The following SDK1 variants were observed in gnomAD, a reference collection of about 807,000 sequenced individuals.
SDK1 encodes sidekick cell adhesion molecule 1.
SDK1 carries 157 observed loss-of-function variants against 245.5 expected under a neutral mutation model. The ratio of observed to expected loss-of-function variants is 0.64; its 90% CI spans 0.56 to 0.73. The LOEUF (loss-of-function observed/expected upper bound fraction) is 0.73, where lower values mean the gene tolerates loss of function less well. Among genes scored for constraint, SDK1 ranks in the 30% least tolerant of loss-of-function variants. SDK1 has a pLI of 0.00. For synonymous variants in SDK1, 1,647 were observed against 1,278.5 expected, an observed-to-expected ratio of 1.29 and a Z score of -6.15; for missense variants, 3,583 against 3,002.3, an observed-to-expected ratio of 1.19 and a Z score of -4.52.
chr7:3,971,611 C>G (rs1562595679), intron 12 of SDK1, 43 bp downstream of exon 12: 2 of 1,393,728 alleles, frequency 1.4e-6, no homozygotes, highest in Non-Finnish European at 2.0e-6. Flanking sequence ...TGTTGATATT[C>G]TGTGAGTTTC....
intron 1 of SDK1, among the ~76,000 whole-genome samples, chr7:3,334,004 C>T (rs1435901125): frequency 6.6e-6 from 1 of 152,200 alleles, no homozygotes; most frequent in Non-Finnish European, 1.5e-5. Flanking sequence ...AGTAAAGTGG[C>T]TACATCACAC....
At chr7:4,241,437 C>G (rs1172118061) in intron 42 of SDK1, among the ~76,000 whole-genome samples, 3 of 152,134 alleles carry the variant, frequency 2.0e-5, no homozygotes, top group Non-Finnish European at 2.9e-5. Flanking sequence ...GAACTCGAAA[C>G]CAGCCTGGGC....
chr7:4,140,553 A>C (rs1223828916), intron 28 of SDK1, among the ~76,000 whole-genome samples: 1 of 150,422 alleles, frequency 6.6e-6, no homozygotes, highest in Non-Finnish European at 1.5e-5. Context: ...TAATCATCAG[A>C]ATCCCATCAT....
chr7:4,032,123 A>G (rs1787868050), intron 17 of SDK1, among the ~76,000 whole-genome samples: 1 of 152,140 alleles, frequency 6.6e-6, no homozygotes, highest in Non-Finnish European at 1.5e-5. Context: ...AATGCAGACA[A>G]ATGCACCAGA....
At chr7:3,506,616 C>T (rs935245004) in intron 1 of SDK1, among the ~76,000 whole-genome samples, 2 of 152,064 alleles carry the variant, frequency 1.3e-5, no homozygotes, top group Non-Finnish European at 2.9e-5. Context: ...TCCCTTTTTA[C>T]TGAGAGTGTT....
chr7:3,612,916 C>A (rs372944050), intron 1 of SDK1, among the ~76,000 whole-genome samples: 1 of 152,002 alleles, frequency 6.6e-6, no homozygotes, highest in Admixed American at 6.6e-5. Context: ...ACCCCCCACC[C>A]CCCTTGTTTG....
intron 5 of SDK1, among the ~76,000 whole-genome samples, chr7:3,866,824 G>T (rs1411489178): frequency 1.3e-5 from 2 of 152,298 alleles, no homozygotes; most frequent in Middle Eastern, 3.4e-3. Context: ...CGTAAGGACA[G>T]ACTGTGAAGG....
intron 35 of SDK1, among the ~76,000 whole-genome samples, chr7:4,187,334 G>A (rs1782955102): frequency 6.6e-6 from 1 of 152,194 alleles, no homozygotes; most frequent in African/African-American, 2.4e-5. Flanking sequence ...AAGCTACTCT[G>A]AACACTGTTA....
At chr7:3,843,075 C>G (rs1780197927) in intron 5 of SDK1, among the ~76,000 whole-genome samples, 2 of 152,124 alleles carry the variant, frequency 1.3e-5, no homozygotes, top group South Asian at 4.2e-4. Context: ...GGCCGCTTAG[C>G]ATTAGAGGAA....
intron 17 of SDK1, among the ~76,000 whole-genome samples, chr7:4,037,148 A>G (rs1422077665): frequency 1.3e-5 from 2 of 152,206 alleles, no homozygotes; most frequent in Non-Finnish European, 2.9e-5. Flanking sequence ...GCAATAGGAA[A>G]TTTAAACGTT....
At chr7:4,012,283 C>A in intron 16 of SDK1, 48 bp downstream of exon 16, 1 of 1,429,222 alleles carries the variant, frequency 7.0e-7, no homozygotes, top group South Asian at 1.7e-5. Context: ...TAGAGTTGAG[C>A]GTCGATTTCA....
At chr7:3,378,859 T>G (rs1376182825) in intron 1 of SDK1, among the ~76,000 whole-genome samples, 1 of 152,126 alleles carries the variant, frequency 6.6e-6, no homozygotes, top group Non-Finnish European at 1.5e-5. Context: ...TTGGTCACTT[T>G]GTCGGCTCTG....
At chr7:3,995,332 C>G (rs757782936) in intron 14 of SDK1, among the ~76,000 whole-genome samples, 16 of 152,192 alleles carry the variant, frequency 1.1e-4, no homozygotes, top group Admixed American at 5.9e-4. Context: ...CCTCTGGTCT[C>G]AAGGTGCTAC....
chr7:3,487,600 A>T (rs926051131), intron 1 of SDK1, among the ~76,000 whole-genome samples: 1 of 151,786 alleles, frequency 6.6e-6, no homozygotes, highest in Non-Finnish European at 1.5e-5. Context: ...ACAAACACCC[A>T]AAAAATTAGC....
intron 5 of SDK1, among the ~76,000 whole-genome samples, chr7:3,909,733 G>A (rs1239262808): frequency 6.6e-6 from 1 of 152,176 alleles, no homozygotes; most frequent in Non-Finnish European, 1.5e-5. Context: ...AGAAGCTCAG[G>A]GATTAAAGAA....
At chr7:3,546,346 A>G (rs1342203226) in intron 1 of SDK1, among the ~76,000 whole-genome samples, 1 of 152,178 alleles carries the variant, frequency 6.6e-6, no homozygotes, top group East Asian at 1.9e-4. Flanking sequence ...GGCCCCTCTA[A>G]TCCTCTGTTT....
chr7:3,416,015 A>C (rs1779357008), intron 1 of SDK1, among the ~76,000 whole-genome samples: 1 of 152,190 alleles, frequency 6.6e-6, no homozygotes, highest in South Asian at 2.1e-4. Flanking sequence ...ATATGACACG[A>C]CATGCTAATA....
Position 3,761,101 on chromosome 7 carries a change from A to C in SDK1, c.714-60349A>C, listed in dbSNP as rs10244131. Among the ~76,000 whole-genome samples, 730 of 152,270 alleles carry C rather than the reference A, an allele frequency of 4.8e-3. 7 individuals carry two copies. The highest frequency in any genetic ancestry group is 0.017 in the African/African-American group (705 of 41,562). ...TAAGTATGTGTGTAATTTTTATGTA[A>C]AGATTTGTAAATATTTTGTGAATCT... On this transcript the variant is annotated intron_variant, in intron 4 of 44. Transcript: ENST00000404826.
chr7:4,181,763 A>G (rs1782616068), intron 35 of SDK1, among the ~76,000 whole-genome samples: 1 of 152,094 alleles, frequency 6.6e-6, no homozygotes, highest in African/African-American at 2.4e-5. Context: ...CCATGCACAC[A>G]CACAAACTCC....
Sources: allele counts gnomAD v4.1 joint callset (sites outside exome capture counted in the v4.1 genomes callset), GRCh38; gene constraint gnomAD v4.1.1; transcripts MANE v1.5; gene names NCBI Gene and HGNC (gene_info 2026-07-23, HGNC 2026-07-21).